TTN: variants seen among roughly 807,000 people sequenced by gnomAD.
The protein encoded by TTN is connectin.
Under a neutral mutation model 3,223.0 loss-of-function variants are expected in TTN, and 1,525 were observed. The ratio of observed to expected loss-of-function variants is 0.47; its 90% CI spans 0.45 to 0.49. The LOEUF is 0.49. Ranked by LOEUF, TTN falls within the 20% of genes least tolerant of loss-of-function variation. TTN has a pLI of 0.00. For synonymous variants in TTN, 14,094 were observed against 15,161.0 expected, an observed-to-expected ratio of 0.93 and a Z score of 5.17; for missense variants, 40,786 against 43,424.0, an observed-to-expected ratio of 0.94 and a Z score of 5.40.
Position 178,715,594 on chromosome 2 carries a change from A to C in TTN, c.25820T>G (p.Leu8607Arg). 1 of 1,613,678 alleles carries C rather than the reference A, an allele frequency of 6.2e-7. No homozygotes were observed. Among genetic ancestry groups the C allele is most frequent in the Non-Finnish European group, 8.5e-7 (1 of 1,179,678 alleles). Residue 8607 changes from leucine to arginine, a missense_variant, in exon 89 of 363, where the codon CTG (leucine) becomes CGG (arginine). Leu to Arg is a moderately radical substitution (Grantham distance 102). Transcript: ENST00000589042. The stretch of plus-strand genomic sequence containing the variant: ...TTCAACACTGAGATTGTGCATTTCC[A>C]GCACAGCCACCGAGTCAACGAATGA... ...RMSFVDSVAV[L>R]EMHNLSVEDS... is the part of the protein sequence containing the mutation.
In TTN at chr2:178,681,083, A is replaced by G; in HGVS notation, c.33336T>C (p.Ala11112=). 1 of 1,600,326 alleles carries G rather than the reference A, an allele frequency of 6.2e-7. No homozygotes were observed. Among genetic ancestry groups the G allele is most frequent in the Non-Finnish European group, 8.5e-7 (1 of 1,175,690 alleles). ...REKEQVTEPA[A]KVPMKPKRVV... is the part of the protein sequence containing the mutation. ...CGAGGAAGGAAATCATTATACCTTTAGCAGCGGGTTCAGTCACCTGCTCTT... is the reference window on the plus strand; with the variant it reads ...CGAGGAAGGAAATCATTATACCTTTGGCAGCGGGTTCAGTCACCTGCTCTT... Residue 11112 remains alanine (A), a synonymous_variant, in exon 138 of 363, where the codon GCT becomes GCC. Coordinates refer to ENST00000589042, the MANE Select transcript of TTN (RefSeq NM_001267550.2).
rs794729523 is a variant in TTN at position 178,782,879 on chromosome 2, G to T, written c.3027C>A (p.Asp1009Glu). ...CAGCACTGCAAGTAAATCGCCCGCT[G>T]TCTTCCGCAAATGCTTCGCGAATCA... is the stretch of plus-strand genomic sequence containing the variant. The part of the protein sequence containing the change: ...RLMIREAFAE[D>E]SGRFTCSAVN... Residue 1009 changes from aspartate to glutamate, a missense_variant, in exon 18 of 363, where the codon GAC becomes GAA. Physicochemically the swap from Asp to Glu is conservative, Grantham distance 45. Transcript: ENST00000589042. 7.4e-6 allele frequency: 12 copies of T among 1,613,926 alleles called. No homozygotes were observed. The highest frequency in any genetic ancestry group is 8.5e-6 in the Non-Finnish European group (10 of 1,179,980).
rs768698974 is a variant in TTN at position 178,532,128 on chromosome 2, T to G, written c.104487A>C (p.Ser34829=). Residue 34829 remains serine, a synonymous_variant, in exon 358 of 363, where the codon TCA becomes TCC. Transcript: ENST00000589042. ...TCAGTAGTCTAGACGCAGATGAGGA[T>G]GATTCTCTTTGAGCATGTTTTGAGA... The part of the protein sequence containing the change: ...YEISKHAQRE[S]SSSASRLLRR... 6.2e-7 allele frequency: 1 copy of G among 1,613,974 alleles called. No homozygotes were observed. Among genetic ancestry groups the G allele is most frequent in the South Asian group, 1.1e-5 (1 of 91,088 alleles).
At position 178,535,777 on chromosome 2, in the gene TTN, A is replaced by C; in HGVS notation, c.100838T>G (p.Val33613Gly). 1 of 1,613,132 alleles carries C rather than the reference A, an allele frequency of 6.2e-7. No individual in the cohort carries two copies. The highest frequency in any genetic ancestry group is 8.5e-7 in the Non-Finnish European group (1 of 1,179,684). ...GCCACTGAAAGGAATCTTGATGCTG[A>C]CCACTTCACCTCGGAGAGCATGAAC... The part of the protein sequence containing the change: ...GAVHALRGEV[V>G]SIKIPFSGKP... The change falls in exon 358 of 363, where the codon GTC becomes GGC. Residue 33613 changes from valine (V) to glycine (G), a missense_variant. Coordinates refer to ENST00000589042, the MANE Select transcript of TTN (RefSeq NM_001267550.2).
At chr2:178,702,331 C>T in intron 107 of TTN, 86 bp from the exon 108 acceptor site, 2 of 1,605,040 alleles carry the variant, frequency 1.2e-6, no homozygotes, top group Non-Finnish European at 1.7e-6. Flanking sequence ...TGTTTATTTA[C>T]ACTTGTCTTT....
rs1001106652 is a variant in TTN at position 178,674,934 on chromosome 2, T to A, written c.34612+105A>T. The A allele has an allele frequency of 3.5e-6, 2 of 570,852 alleles. 1 individual carries two copies. Among genetic ancestry groups the A allele is most frequent in the South Asian group, 6.4e-5 (2 of 31,186 alleles). The allele number at this position is 570,852 out of a possible 1,614,324, so 35.4% of individuals were successfully genotyped here. A position where few individuals can be genotyped will look rare whatever the true frequency, so the allele number is the denominator to read the frequency against. On this transcript the variant is annotated intron_variant, in intron 150 of 362. Transcript: ENST00000589042. The stretch of plus-strand genomic sequence containing the variant: ...ATAATAATTTATTTTAGAATCTGAA[T>A]ATGTTGATTTCCTGGGGTAAATTTT...
chr2:178,791,465 G>A (rs2093488546), intron 10 of TTN, among the ~76,000 whole-genome samples: 1 of 152,166 alleles, frequency 6.6e-6, no homozygotes. Context: ...CGGGAGAGAT[G>A]TGGATTTTAG....
Position 178,713,175 on chromosome 2 carries a change from T to G in TTN, c.26959A>C (p.Met8987Leu). The G allele has an allele frequency of 6.2e-7, 1 of 1,613,818 alleles. No individual in the cohort carries two copies. Among genetic ancestry groups the G allele is most frequent in the Non-Finnish European group, 8.5e-7 (1 of 1,179,772 alleles). ...TCACCACTGTCTGATTCTTCCAGCA[T>G]GTTCACAGTTAAAGCACAAGTATTA... ...TDNTCALTVN[M>L]LEESDSGDYT... Residue 8987 changes from methionine to leucine, a missense_variant, in exon 93 of 363, where the codon ATG becomes CTG. Coordinates refer to ENST00000589042, the MANE Select transcript of TTN (RefSeq NM_001267550.2).
chr2:178,592,985 T>G lies in TTN; in HGVS notation c.59134A>C (p.Ile19712Leu), dbSNP rs547436872. The G allele has an allele frequency of 6.2e-7, 1 of 1,613,532 alleles. No homozygotes were observed. Among genetic ancestry groups the G allele is most frequent in the South Asian group, 1.1e-5 (1 of 91,068 alleles). ...QPPRHDGGSK[I>L]LGYIVEYQKV... ...TGGTACTCAACAATATAACCCAGAA[T>G]CTTGCTCCCACCATCATGACGTGGT... Residue 19712 changes from isoleucine to leucine, a missense_variant, in exon 300 of 363, where the codon ATT becomes CTT. Coordinates refer to ENST00000589042, the MANE Select transcript of TTN (RefSeq NM_001267550.2).
In TTN at chr2:178,797,740, T is replaced by G. The variant is rs187942721; in HGVS notation, c.914+1747A>C. Among the ~76,000 whole-genome samples, 292 of 152,266 alleles carry G rather than the reference T, an allele frequency of 1.9e-3. 8 individuals carry two copies. In the South Asian group the frequency reaches 0.023, roughly 12 times the overall value. On this transcript the variant is annotated intron_variant, in intron 6 of 362. Coordinates refer to ENST00000589042, the MANE Select transcript of TTN (RefSeq NM_001267550.2). ...TGAGGAGGAGAAAGGTCTTAAAATT[T>G]TTTCACAAGTGCTGTTTGGTTTAGA...
rs539650123 is a variant in TTN at position 178,758,046 on chromosome 2, C to A, written c.10304-130G>T. ...TTCAGTCCACTCCTACTGCCTTGTC[C>A]TTGTATGTCACTATTGACTCGAAGT... On this transcript the variant is annotated intron_variant, in intron 44 of 362. Transcript: ENST00000589042. The A allele has an allele frequency of 5.4e-5, 53 of 983,962 alleles. No homozygotes were observed. In the African/African-American group the frequency reaches 7.6e-4, roughly 14 times the overall value. 61.0% of individuals were successfully genotyped at this position (983,962 alleles called of 1,614,324 possible). A position where few individuals can be genotyped will look rare whatever the true frequency, so the allele number is the denominator to read the frequency against.
intron 9 of TTN, 51 bp downstream of exon 9, chr2:178,793,353 G>T: frequency 6.2e-7 from 1 of 1,605,598 alleles, no homozygotes; most frequent in Non-Finnish European, 8.5e-7. Flanking sequence ...GATTATCTGT[G>T]TTGACCCCTG....
chr2:178,715,109 A>G lies in TTN; in HGVS notation c.26077T>C (p.Ser8693Pro). The G allele has an allele frequency of 6.2e-7, 1 of 1,613,718 alleles. No homozygotes were observed. The highest frequency in any genetic ancestry group is 8.5e-7 in the Non-Finnish European group (1 of 1,179,716). Residue 8693 changes from serine (S) to proline (P), a missense_variant, in exon 90 of 363, where the codon TCT becomes CCT. Ser to Pro is a moderately conservative substitution (Grantham distance 74). Coordinates refer to ENST00000589042, the MANE Select transcript of TTN (RefSeq NM_001267550.2). ...TGGATACTGGTTAGGAAGTTCTCAG[A>G]CATTATCTTGTACTTCTTGCCGCTC... ...LRSGKKYKIMSENFLTSIHIL... is the reference protein window; with the variant it reads ...LRSGKKYKIMPENFLTSIHIL...
chr2:178,665,244 TG>T, intron 165 of TTN, 132 bp downstream of exon 165: 1 of 916,102 alleles, frequency 1.1e-6, no homozygotes, highest in South Asian at 1.8e-5. Flanking sequence ...AAACTTCCTG[TG>T]GAACCTCAGA....
chr2:178,748,365 T>C (rs2084299313), intron 47 of TTN: 1 of 1,613,210 alleles, frequency 6.2e-7, no homozygotes, highest in South Asian at 1.1e-5. Flanking sequence ...AGCTCTTGAC[T>C]GGAAGAAATT....
In TTN at chr2:178,557,062, A is replaced by G; in HGVS notation, c.88092T>C (p.Gly29364=). The change falls in exon 330 of 363, where the codon GGT becomes GGC. Residue 29364 remains glycine, a synonymous_variant. Coordinates refer to ENST00000589042, the MANE Select transcript of TTN (RefSeq NM_001267550.2). ...LSWQQPAFDG[G]SKITGYIVER... is the part of the protein sequence containing the mutation. Reference sequence around the variant, plus strand: ...CAACAATGTAGCCTGTAATCTTGCTACCTCCATCGAAAGCTGGTTGTTGCC... The same window carrying G: ...CAACAATGTAGCCTGTAATCTTGCTGCCTCCATCGAAAGCTGGTTGTTGCC... The G allele has an allele frequency of 1.2e-6, 2 of 1,613,668 alleles. No individual in the cohort carries two copies. Among genetic ancestry groups the G allele is most frequent in the Non-Finnish European group, 1.7e-6 (2 of 1,179,796 alleles).
chr2:178,748,630 G>C lies in TTN; in HGVS notation c.11311+4494C>G, dbSNP rs573696704. The C allele has an allele frequency of 5.0e-6, 8 of 1,612,928 alleles. No homozygotes were observed. In the African/African-American group the frequency reaches 1.1e-4, roughly 22 times the overall value. ...CTGGTTGACCACTATCTAATTCTTG[G>C]AATTTCACATCTGTGTGTTTTATTT... is the stretch of plus-strand genomic sequence containing the variant. On this transcript the variant is annotated intron_variant, in intron 47 of 362. Coordinates refer to ENST00000589042, the MANE Select transcript of TTN (RefSeq NM_001267550.2).
chr2:178,586,778 C>T lies in TTN; in HGVS notation c.64123G>A (p.Val21375Met), dbSNP rs371670651. 34 of 1,612,674 alleles carry T rather than the reference C, an allele frequency of 2.1e-5. No individual in the cohort carries two copies. The highest frequency in any genetic ancestry group is 1.7e-4 in the Admixed American group (10 of 59,910). The change falls in exon 308 of 363, where the codon GTG (valine) becomes ATG (methionine). Residue 21375 changes from valine to methionine, a missense_variant. Physicochemically the swap from Val to Met is conservative, Grantham distance 21. Coordinates refer to ENST00000589042, the MANE Select transcript of TTN (RefSeq NM_001267550.2). ...GCACTGTTCTTGGTCATTTCAGTCA[C>T]TTCTAATTTCCTTGGGGGATCCGGC... The part of the protein sequence containing the change: ...SEPDPPRKLE[V>M]TEMTKNSATL...
At chr2:178,804,777 AGAGT>A in intron 1 of TTN, 122 bp from the exon 2 acceptor site, 1 of 843,784 alleles carries the variant, frequency 1.2e-6, no homozygotes, top group South Asian at 1.6e-5. Context: ...CTGTGGGCCT[AGAGT>A]GATGGGCAGG....
Sources: allele counts gnomAD v4.1 joint callset (sites outside exome capture counted in the v4.1 genomes callset), GRCh38; gene constraint gnomAD v4.1.1; transcripts MANE v1.5; gene names NCBI Gene and HGNC (gene_info 2026-07-23, HGNC 2026-07-21).